The following XPR1 variants were observed in gnomAD, a reference collection of about 807,000 sequenced individuals.
The protein encoded by XPR1 is solute carrier family 53 member 1.
In XPR1, 28 loss-of-function variants were observed where a neutral mutation model predicts 87.5. The ratio of observed to expected loss-of-function variants is 0.32; its 90% CI spans 0.24 to 0.44. The LOEUF is 0.44. XPR1 is among the 20% of genes least tolerant of loss of function. The pLI, the probability that XPR1 is intolerant of heterozygous loss-of-function variation, is 1.00. For missense variants in XPR1, 559 were observed against 862.3 expected (o/e 0.65, Z 4.41); for synonymous variants, 300 against 306.1 (o/e 0.98, Z 0.21).
chr1:180,714,356 T>TCC (rs1440177672), intron 2 of XPR1, among the ~76,000 whole-genome samples: 6 of 67,596 alleles, frequency 8.9e-5, no homozygotes, highest in African/African-American at 2.3e-4. Context: ...CTGTTCTCTC[T>TCC]CTCTCTCTCT....
At chr1:180,882,759 G>T (rs1486515903) in intron 14 of XPR1, among the ~76,000 whole-genome samples, 1 of 151,972 alleles carries the variant, frequency 6.6e-6, no homozygotes, top group East Asian at 1.9e-4. Flanking sequence ...ATCCTATTTG[G>T]GCTCTCTCAC....
intron 4 of XPR1, among the ~76,000 whole-genome samples, chr1:180,805,659 G>A (rs12084517): frequency 0.043 from 6,545 of 152,200 alleles, 502 homozygotes; most frequent in African/African-American, 0.15. Context: ...AAATAAATGT[G>A]TTCAGTGCAT....
At chr1:180,741,173 C>A (rs879095106) in intron 2 of XPR1, among the ~76,000 whole-genome samples, 2 of 151,786 alleles carry the variant, frequency 1.3e-5, no homozygotes, top group South Asian at 4.2e-4. Context: ...GAGATTTCTG[C>A]TTTTTTTTGA....
chr1:180,725,332 G>A (rs1383001930), intron 2 of XPR1, among the ~76,000 whole-genome samples: 1 of 152,118 alleles, frequency 6.6e-6, no homozygotes, highest in South Asian at 2.1e-4. Context: ...TAATCTTCCT[G>A]ATGAAGGACA....
intron 7 of XPR1, among the ~76,000 whole-genome samples, chr1:180,814,745 C>T (rs1410011350): frequency 6.6e-6 from 1 of 152,142 alleles, no homozygotes; most frequent in Non-Finnish European, 1.5e-5. Flanking sequence ...GTTAAATTTT[C>T]TAAGCGGTTC....
At chr1:180,752,601 G>C (rs182166640) in intron 2 of XPR1, among the ~76,000 whole-genome samples, 1 of 151,784 alleles carries the variant, frequency 6.6e-6, no homozygotes, top group Non-Finnish European at 1.5e-5. Flanking sequence ...TTTGTTCTTC[G>C]GTGGCCATAC....
intron 2 of XPR1, among the ~76,000 whole-genome samples, chr1:180,708,045 A>G (rs1400688197): frequency 6.6e-6 from 1 of 152,228 alleles, no homozygotes. Flanking sequence ...TGAATAGACT[A>G]TTTAGGCACA....
intron 2 of XPR1, among the ~76,000 whole-genome samples, chr1:180,749,002 C>T (rs1647405819): frequency 6.6e-6 from 1 of 152,186 alleles, no homozygotes; most frequent in Non-Finnish European, 1.5e-5. Flanking sequence ...AGTTTGAGAC[C>T]AGCCTGGGTA....
chr1:180,842,495 T>C (rs1276558036), intron 11 of XPR1, among the ~76,000 whole-genome samples: 1 of 152,226 alleles, frequency 6.6e-6, no homozygotes, highest in Non-Finnish European at 1.5e-5. Context: ...CAGTATATTT[T>C]TTCTATCATT....
chr1:180,656,225 T>A (rs970513041), intron 1 of XPR1, among the ~76,000 whole-genome samples: 3 of 145,256 alleles, frequency 2.1e-5, no homozygotes, highest in African/African-American at 7.6e-5. Context: ...CCTGGCCTTT[T>A]TGACTTAACA....
At chr1:180,811,812 G>A (rs28396858) in intron 7 of XPR1, among the ~76,000 whole-genome samples, 6,538 of 152,132 alleles carry the variant, frequency 0.043, 496 homozygotes, top group African/African-American at 0.15. Flanking sequence ...GATCATAGAT[G>A]AGGATAAATA....
chr1:180,736,159 T>C (rs561406822), intron 2 of XPR1, among the ~76,000 whole-genome samples: 103 of 152,286 alleles, frequency 6.8e-4, no homozygotes, highest in Admixed American at 1.9e-3. Flanking sequence ...CCTTACGACA[T>C]TAATGTTTTA....
chr1:180,809,885 A>G lies in XPR1; in HGVS notation c.682-1522A>G, dbSNP rs147759748. 6.0e-3 allele frequency among the ~76,000 whole-genome samples: 911 copies of G among 152,316 alleles called. 6 individuals carry two copies. The highest frequency in any genetic ancestry group is 8.1e-3 in the Admixed American group (124 of 15,302). ...TTATCTTTGGAAAAGACAAATGACC[A>G]TCTTTTGGATGCTTTCAGTCAGAAA... On this transcript the variant is annotated intron_variant, in intron 6 of 14. Coordinates refer to ENST00000367590, the MANE Select transcript of XPR1 (RefSeq NM_004736.4).
chr1:180,725,821 A>G (rs766155862), intron 2 of XPR1, among the ~76,000 whole-genome samples: 1 of 152,168 alleles, frequency 6.6e-6, no homozygotes, highest in African/African-American at 2.4e-5. Flanking sequence ...CTGGATTGAA[A>G]TCCTGGCCCC....
chr1:180,801,199 ATC>A (rs1361810245), intron 3 of XPR1, among the ~76,000 whole-genome samples: 8 of 152,260 alleles, frequency 5.3e-5, no homozygotes, highest in Non-Finnish European at 1.5e-5. Context: ...CAATAGATAC[ATC>A]TCTCATGGCC....
At position 180,884,022 on chromosome 1, in the gene XPR1, A is replaced by T; in HGVS notation, c.2047A>T (p.Thr683Ser). Residue 683 changes from threonine to serine, a missense_variant, in exon 15 of 15, where the codon ACT (threonine) becomes TCT (serine). By Grantham distance (58) the Thr-to-Ser change is moderately conservative. Coordinates refer to ENST00000367590, the MANE Select transcript of XPR1 (RefSeq NM_004736.4). The part of the protein sequence containing the change: ...RLASQSKARD[T>S]KVLIEDTDDE... ...TACCACTAGATCCAAGGCTCGTGAC[A>T]CTAAGGTATTGATAGAAGACACAGA... The T allele has an allele frequency of 3.7e-6, 6 of 1,614,100 alleles. No homozygotes were observed. Among genetic ancestry groups the T allele is most frequent in the Non-Finnish European group, 4.2e-6 (5 of 1,179,994 alleles).
At chr1:180,748,210 G>T (rs1647349124) in intron 2 of XPR1, among the ~76,000 whole-genome samples, 2 of 151,910 alleles carry the variant, frequency 1.3e-5, no homozygotes, top group East Asian at 3.9e-4. Context: ...TGGTATATTG[G>T]AGCTGGCTTA....
At chr1:180,787,933 A>T (rs1215276880) in intron 3 of XPR1, 79 bp downstream of exon 3, 1 of 1,069,534 alleles carries the variant, frequency 9.3e-7, no homozygotes, top group African/African-American at 1.6e-5. Flanking sequence ...CTTCTGATCA[A>T]TGTTTTTAAA....
intron 2 of XPR1, among the ~76,000 whole-genome samples, chr1:180,707,557 T>C (rs950395240): frequency 6.6e-6 from 1 of 152,222 alleles, no homozygotes. Context: ...ACTATCTGAA[T>C]AGGGCTGTGG....
Sources: allele counts gnomAD v4.1 joint callset (sites outside exome capture counted in the v4.1 genomes callset), GRCh38; gene constraint gnomAD v4.1.1; transcripts MANE v1.5; gene names NCBI Gene and HGNC (gene_info 2026-07-23, HGNC 2026-07-21).